SEL1L3: variants seen among roughly 807,000 people sequenced by gnomAD.
SEL1L3 encodes protein sel-1 homolog 3.
In SEL1L3, 76 loss-of-function variants were observed where a neutral mutation model predicts 142.8. The observed-to-expected ratio is 0.53, with a 90% CI of 0.44 to 0.64. The LOEUF (loss-of-function observed/expected upper bound fraction) is 0.64. Among genes scored for constraint, SEL1L3 ranks in the 30% least tolerant of loss-of-function variants. The pLI, the probability that SEL1L3 is intolerant of heterozygous loss-of-function variation, is 0.00. For missense variants in SEL1L3, 1,262 were observed against 1,381.7 expected, an observed-to-expected ratio of 0.91 and a Z score of 1.37; for synonymous variants, 504 against 519.6, an observed-to-expected ratio of 0.97 and a Z score of 0.41.
downstream of SEL1L3, among the ~76,000 whole-genome samples, chr4:25,747,093 A>G (rs1717294565): frequency 6.6e-6 from 1 of 152,188 alleles, no homozygotes; most frequent in Non-Finnish European, 1.5e-5. Flanking sequence ...TAGGAGGGAC[A>G]ACATTTGCTA....
the SEL1L3 span, among the ~76,000 whole-genome samples, chr4:25,742,377 G>A: frequency 6.6e-6 from 1 of 152,042 alleles, no homozygotes; most frequent in African/African-American, 2.4e-5. Context: ...GTAGAGATGG[G>A]GTTTCACCAT....
At chr4:25,857,342 T>G (rs1417121174) in intron 1 of SEL1L3, among the ~76,000 whole-genome samples, 1 of 152,218 alleles carries the variant, frequency 6.6e-6, no homozygotes, top group African/African-American at 2.4e-5. Flanking sequence ...TATTCCTGGT[T>G]GTGTAAGATT....
chr4:25,757,487 CTTTT>C, intron 23 of SEL1L3, 43 bp downstream of exon 23: 2 of 837,668 alleles, frequency 2.4e-6, no homozygotes, highest in Non-Finnish European at 1.7e-6. Context: ...AAAATCCCTG[CTTTT>C]TTTTTTTTTA....
chr4:25,824,648 G>A (rs1377773416), intron 6 of SEL1L3, among the ~76,000 whole-genome samples: 3 of 152,134 alleles, frequency 2.0e-5, no homozygotes, highest in African/African-American at 7.2e-5. Flanking sequence ...GTTAATGTTG[G>A]CCTGGTGCAG....
chr4:25,763,781 A>T, intron 20 of SEL1L3, among the ~76,000 whole-genome samples: 1 of 152,200 alleles, frequency 6.6e-6, no homozygotes, highest in East Asian at 1.9e-4. Flanking sequence ...CCAAGGCTGC[A>T]GTGAGCTGAG....
the SEL1L3 span, among the ~76,000 whole-genome samples, chr4:25,731,208 A>G: frequency 6.6e-6 from 1 of 152,186 alleles, no homozygotes; most frequent in Non-Finnish European, 1.5e-5. Context: ...GCTTTTATTT[A>G]GCTTTTAGAT....
At chr4:25,715,210 G>A in the SEL1L3 span, among the ~76,000 whole-genome samples, 1 of 152,086 alleles carries the variant, frequency 6.6e-6, no homozygotes, top group Non-Finnish European at 1.5e-5. Context: ...ACAAATCAAT[G>A]GTCAGGCATG....
At chr4:25,746,937 G>A (rs560787295), downstream of SEL1L3, among the ~76,000 whole-genome samples, 25 of 152,140 alleles carry the variant, frequency 1.6e-4, no homozygotes, top group Admixed American at 9.2e-4. Flanking sequence ...ATCCCAAGAG[G>A]TAGTTTTCAT....
chr4:25,814,268 C>G (rs1261460080), intron 9 of SEL1L3, among the ~76,000 whole-genome samples: 1 of 152,094 alleles, frequency 6.6e-6, no homozygotes, highest in Non-Finnish European at 1.5e-5. Flanking sequence ...GACTCTCATT[C>G]AAAACACAGC....
intron 2 of SEL1L3, among the ~76,000 whole-genome samples, chr4:25,840,945 G>C (rs528197236): frequency 6.6e-6 from 1 of 151,902 alleles, no homozygotes; most frequent in East Asian, 1.9e-4. Context: ...TTCCCAATCC[G>C]GAATTTTCTC....
intron 6 of SEL1L3, among the ~76,000 whole-genome samples, chr4:25,823,606 C>G (rs59072008): frequency 0.062 from 9,492 of 152,032 alleles, 970 homozygotes; most frequent in African/African-American, 0.22. Flanking sequence ...GAATAGATCA[C>G]AGCATATGTG....
At chr4:25,804,492 CA>C in intron 10 of SEL1L3, 48 bp downstream of exon 10, 1 of 1,400,554 alleles carries the variant, frequency 7.1e-7, no homozygotes, top group African/African-American at 1.4e-5. Flanking sequence ...CATTGCTTTG[CA>C]AATATAATGC....
At chr4:25,786,055 C>T (rs2109180636) in intron 13 of SEL1L3, among the ~76,000 whole-genome samples, 1 of 152,258 alleles carries the variant, frequency 6.6e-6, no homozygotes. Flanking sequence ...AAGCCTGGTA[C>T]ATCGTAAGTA....
chr4:25,799,800 G>A (rs1312205990), intron 11 of SEL1L3, among the ~76,000 whole-genome samples: 1 of 152,128 alleles, frequency 6.6e-6, no homozygotes, highest in African/African-American at 2.4e-5. Flanking sequence ...ACGGCAGATG[G>A]GGATTTGTAA....
chr4:25,792,586 A>G (rs1336617093), intron 11 of SEL1L3, among the ~76,000 whole-genome samples: 1 of 152,230 alleles, frequency 6.6e-6, no homozygotes, highest in Non-Finnish European at 1.5e-5. Flanking sequence ...AGGAGTTCTC[A>G]GCTGAAGGTT....
intron 6 of SEL1L3, 145 bp from the exon 7 acceptor site, chr4:25,822,273 G>A: frequency 1.1e-6 from 1 of 898,510 alleles, no homozygotes; most frequent in Non-Finnish European, 1.7e-6. Context: ...CCAGCGTAGG[G>A]TCAGGTGGAC....
chr4:25,763,474 G>A (rs1718515675), intron 20 of SEL1L3, among the ~76,000 whole-genome samples: 1 of 152,098 alleles, frequency 6.6e-6, no homozygotes, highest in South Asian at 2.1e-4. Context: ...AAAGAGCTAT[G>A]GAGTGAGAGA....
chr4:25,820,463 T>G (rs189210930), intron 7 of SEL1L3, among the ~76,000 whole-genome samples: 2 of 152,346 alleles, frequency 1.3e-5, no homozygotes, highest in Non-Finnish European at 2.9e-5. Flanking sequence ...AATTAAAGCA[T>G]GTACTGTATT....
chr4:25,804,945 C>T (rs1456856173), intron 9 of SEL1L3, among the ~76,000 whole-genome samples, 193 bp from the exon 10 acceptor site: 1 of 152,138 alleles, frequency 6.6e-6, no homozygotes, highest in Non-Finnish European at 1.5e-5. Flanking sequence ...CTGTAAATAG[C>T]TTTTTCTTTG....
Sources: allele counts gnomAD v4.1 joint callset (sites outside exome capture counted in the v4.1 genomes callset), GRCh38; gene constraint gnomAD v4.1.1; transcripts MANE v1.5; gene names NCBI Gene and HGNC (gene_info 2026-07-23, HGNC 2026-07-21).